Variants in KCNJ2 observed in about 807,000 individuals in gnomAD.
KCNJ2 encodes the protein potassium inwardly rectifying channel subfamily J member 2, also known as inward rectifier potassium channel 2.
A neutral mutation model predicts 28.4 loss-of-function variants in KCNJ2; 12 were observed. The ratio of observed to expected loss-of-function variants is 0.42; its 90% CI spans 0.27 to 0.68. The LOEUF is 0.68. Ranked by LOEUF, KCNJ2 falls within the 30% of genes least tolerant of loss-of-function variation. The probability of loss-of-function intolerance (pLI) is 0.23; values close to 1 mark genes in which losing one functional copy is unlikely to be tolerated. For missense variants in KCNJ2, 320 were observed against 551.3 expected (o/e 0.58, Z 4.20); for synonymous variants, 200 against 203.2 (o/e 0.98, Z 0.13).
chr17:70,176,105 T>A lies in KCNJ2; in HGVS notation c.1066T>A (p.Cys356Ser). The change falls in exon 2 of 2, where the codon TGT (cysteine) becomes AGT (serine). Residue 356 changes from cysteine to serine, a missense_variant. Coordinates refer to ENST00000243457, the MANE Select transcript of KCNJ2 (RefSeq NM_000891.3). Reference protein sequence around the residue: ...KTYEVPNTPLCSARDLAEKKY... With the variant: ...KTYEVPNTPLSSARDLAEKKY... Reference sequence around the variant, plus strand: ...TTACGAAGTCCCCAACACTCCCCTTTGTAGTGCCAGAGACTTAGCAGAAAA... The same window carrying A: ...TTACGAAGTCCCCAACACTCCCCTTAGTAGTGCCAGAGACTTAGCAGAAAA... 6.2e-7 allele frequency: 1 copy of A among 1,614,074 alleles called. No individual in the cohort carries two copies. The highest frequency in any genetic ancestry group is 8.5e-7 in the Non-Finnish European group (1 of 1,180,002).
Position 70,174,964 on chromosome 17 carries a change from A to C in KCNJ2, c.-76A>C. Reference sequence around the variant, plus strand: ...TGTGTGTCTTCACCGAACATTCAAAACTGTTTCTCCAAAGCGTTTTGCAAA... The same window carrying C: ...TGTGTGTCTTCACCGAACATTCAAACCTGTTTCTCCAAAGCGTTTTGCAAA... On this transcript the variant is annotated 5_prime_UTR_variant, in exon 2 of 2. Coordinates refer to ENST00000243457, the MANE Select transcript of KCNJ2 (RefSeq NM_000891.3). 1 of 1,431,648 alleles carries C rather than the reference A, an allele frequency of 7.0e-7. No homozygotes were observed. Among genetic ancestry groups the C allele is most frequent in the Admixed American group, 1.8e-5 (1 of 55,034 alleles). The allele number at this position is 1,431,648 out of a possible 1,614,324, so 88.7% of individuals were successfully genotyped here. A position where few individuals can be genotyped will look rare whatever the true frequency, so the allele number is the denominator to read the frequency against.
rs988247605 is a variant in KCNJ2, at chr17:70,179,662, C to G, written c.*3339C>G. 1 of 166,346 alleles carries G rather than the reference C, an allele frequency of 6.0e-6. No homozygotes were observed. Among genetic ancestry groups the G allele is most frequent in the African/African-American group, 2.4e-5 (1 of 41,430 alleles). The allele number at this position is 166,346 out of a possible 1,614,324, so 10.3% of individuals were successfully genotyped here. A position where few individuals can be genotyped will look rare whatever the true frequency, so the allele number is the denominator to read the frequency against. On this transcript the variant is annotated 3_prime_UTR_variant, in exon 2 of 2. Coordinates refer to ENST00000243457, the MANE Select transcript of KCNJ2 (RefSeq NM_000891.3). ...TGTCCCGTAAATCATATTTCCCTTA[C>G]AATTAATAAATGTCACTTCATATTT...
intron 1 of KCNJ2, among the ~76,000 whole-genome samples, chr17:70,172,843 T>C (rs62081378): frequency 6.6e-6 from 1 of 152,326 alleles, no homozygotes; most frequent in East Asian, 1.9e-4. Context: ...GCTGTCTCTG[T>C]CTGTTTAGTA....
intron 1 of KCNJ2, among the ~76,000 whole-genome samples, chr17:70,171,227 C>G (rs1382626295): frequency 6.6e-6 from 1 of 152,198 alleles, no homozygotes; most frequent in Non-Finnish European, 1.5e-5. Flanking sequence ...ACAGGGGGCT[C>G]ACACGTAGAT....
Position 70,175,886 on chromosome 17 carries a change from A to G in KCNJ2, c.847A>G (p.Ser283Gly). 6.2e-7 allele frequency: 1 copy of G among 1,614,204 alleles called. No homozygotes were observed. ...IDEDSPLYDL[S>G]KQDIDNADFE... ...TGAAGACAGTCCTTTATATGATTTG[A>G]GTAAACAGGACATTGACAACGCAGA... is the stretch of plus-strand genomic sequence containing the variant. Residue 283 changes from serine (S) to glycine (G), a missense_variant, in exon 2 of 2, where the codon AGT becomes GGT. Around this residue, in one of 3 missense-constraint regions of KCNJ2, gnomAD observed 155 missense variants for 231.6 expected, o/e 0.67. Coordinates refer to ENST00000243457, the MANE Select transcript of KCNJ2 (RefSeq NM_000891.3). This position sits in a 1 kb window ranked among gnomAD's most constrained non-coding sequence, Gnocchi z 8.3.
chr17:70,178,465 A>AGGAT lies in KCNJ2; in HGVS notation c.*2143_*2146dup, dbSNP rs1263832433. ...CAACAATTTGGTTCTTGACAGTGAG[A>AGGAT]GGATATTGAGGGCTTCAGCTGCTGC... On this transcript the variant is annotated 3_prime_UTR_variant, in exon 2 of 2. Coordinates refer to ENST00000243457, the MANE Select transcript of KCNJ2 (RefSeq NM_000891.3). 6.0e-6 allele frequency: 1 copy of AGGAT among 167,072 alleles called. No homozygotes were observed. The highest frequency in any genetic ancestry group is 1.5e-5 in the Non-Finnish European group (1 of 68,128). 10.3% of individuals were successfully genotyped at this position (167,072 alleles called of 1,614,324 possible). A position where few individuals can be genotyped will look rare whatever the true frequency, so the allele number is the denominator to read the frequency against.
At position 70,178,327 on chromosome 17, in the gene KCNJ2, G is replaced by C. The variant is rs554257598; in HGVS notation, c.*2004G>C. 5 of 167,152 alleles carry C rather than the reference G, an allele frequency of 3.0e-5. No individual in the cohort carries two copies. The highest frequency in any genetic ancestry group is 2.6e-4 in the Admixed American group (4 of 15,298). 10.4% of individuals were successfully genotyped at this position (167,152 alleles called of 1,614,324 possible). A position where few individuals can be genotyped will look rare whatever the true frequency, so the allele number is the denominator to read the frequency against. ...TGTTATTTTCAATGAAACAAAGAAA[G>C]AGATGTTAAGCAAGTGGTTGTTTTA... On this transcript the variant is annotated 3_prime_UTR_variant, in exon 2 of 2. Transcript: ENST00000243457.
At chr17:70,173,645 C>A (rs928689747) in intron 1 of KCNJ2, among the ~76,000 whole-genome samples, 9 of 152,194 alleles carry the variant, frequency 5.9e-5, no homozygotes, top group Admixed American at 5.2e-4. Flanking sequence ...AAACTGAGAA[C>A]TACTATTTGC....
chr17:70,176,360 C>CA lies in KCNJ2; in HGVS notation c.*38dup. The CA allele has an allele frequency of 6.3e-7, 1 of 1,590,890 alleles. No individual in the cohort carries two copies. Among genetic ancestry groups the CA allele is most frequent in the Admixed American group, 1.7e-5 (1 of 59,998 alleles). On this transcript the variant is annotated 3_prime_UTR_variant, in exon 2 of 2. Coordinates refer to ENST00000243457, the MANE Select transcript of KCNJ2 (RefSeq NM_000891.3). ...CTTCTCTGGAATAGTTACTTTACAA[C>CA]ACGGTCTGTTGGTCAGAGGCCCAAA...
chr17:70,179,047 A>G lies in KCNJ2; in HGVS notation c.*2724A>G, dbSNP rs888096705. On this transcript the variant is annotated 3_prime_UTR_variant, in exon 2 of 2. Coordinates refer to ENST00000243457, the MANE Select transcript of KCNJ2 (RefSeq NM_000891.3). ...TCTAGTTATTAGCGTTTTAACAGTTACAAGCTTTAAATGGCAATTTTTTTT... is the reference window on the plus strand; with the variant it reads ...TCTAGTTATTAGCGTTTTAACAGTTGCAAGCTTTAAATGGCAATTTTTTTT... 1 of 149,098 alleles carries G rather than the reference A, an allele frequency of 6.7e-6. No individual in the cohort carries two copies. The highest frequency in any genetic ancestry group is 1.6e-5 in the Non-Finnish European group (1 of 62,768). The allele number at this position is 149,098 out of a possible 1,614,324, so 9.2% of individuals were successfully genotyped here.
intron 1 of KCNJ2, among the ~76,000 whole-genome samples, chr17:70,172,165 C>T (rs970819255): frequency 2.0e-5 from 3 of 151,918 alleles, no homozygotes; most frequent in Non-Finnish European, 4.4e-5. Flanking sequence ...AAGACCGTTA[C>T]CCCATCAAAC....
chr17:70,175,093 T>C lies in KCNJ2; in HGVS notation c.54T>C (p.Gly18=). ...RYSIVSSEED[G]MKLATMAVAN... ...GCATCGTCTCTTCAGAAGAAGACGGTATGAAGTTGGCCACCATGGCAGTTG... is the reference window on the plus strand; with the variant it reads ...GCATCGTCTCTTCAGAAGAAGACGGCATGAAGTTGGCCACCATGGCAGTTG... The change falls in exon 2 of 2, where the codon GGT becomes GGC. Residue 18 remains glycine (G), a synonymous_variant. Coordinates refer to ENST00000243457, the MANE Select transcript of KCNJ2 (RefSeq NM_000891.3). The surrounding 1 kb of genome is among the most constrained non-coding windows in gnomAD (Gnocchi z 8.3). 1 of 1,614,162 alleles carries C rather than the reference T, an allele frequency of 6.2e-7. No individual in the cohort carries two copies. The highest frequency in any genetic ancestry group is 1.3e-5 in the African/African-American group (1 of 75,030).
At chr17:70,171,645 C>T (rs1178378078) in intron 1 of KCNJ2, among the ~76,000 whole-genome samples, 1 of 152,144 alleles carries the variant, frequency 6.6e-6, no homozygotes, top group Non-Finnish European at 1.5e-5. Flanking sequence ...ATCCATAGCT[C>T]TTTCTCCTTT....
Position 70,178,525 on chromosome 17 carries a change from C to G in KCNJ2, c.*2202C>G, listed in dbSNP as rs1364871844. 2 of 166,542 alleles carry G rather than the reference C, an allele frequency of 1.2e-5. No individual in the cohort carries two copies. The highest frequency in any genetic ancestry group is 4.8e-5 in the African/African-American group (2 of 41,240). 10.3% of individuals were successfully genotyped at this position (166,542 alleles called of 1,614,324 possible). A position where few individuals can be genotyped will look rare whatever the true frequency, so the allele number is the denominator to read the frequency against. ...GTTTTGCAAAGGAAAATAATCAAAC[C>G]AAAGAGTATTCAGTGATATGTAAAT... On this transcript the variant is annotated 3_prime_UTR_variant, in exon 2 of 2. Coordinates refer to ENST00000243457, the MANE Select transcript of KCNJ2 (RefSeq NM_000891.3).
intron 1 of KCNJ2, among the ~76,000 whole-genome samples, chr17:70,170,448 C>T (rs902276831): frequency 6.7e-5 from 10 of 149,358 alleles, no homozygotes; most frequent in African/African-American, 2.6e-4. Flanking sequence ...TTCATCATGA[C>T]AATTGGAAAA....
In KCNJ2 at chr17:70,177,450, A is replaced by G. The variant is rs2074400997; in HGVS notation, c.*1127A>G. The G allele has an allele frequency of 6.0e-6, 1 of 167,158 alleles. No individual in the cohort carries two copies. Among genetic ancestry groups the G allele is most frequent in the East Asian group, 1.9e-4 (1 of 5,194 alleles). 10.4% of individuals were successfully genotyped at this position (167,158 alleles called of 1,614,324 possible). A position where few individuals can be genotyped will look rare whatever the true frequency, so the allele number is the denominator to read the frequency against. On this transcript the variant is annotated 3_prime_UTR_variant, in exon 2 of 2. Coordinates refer to ENST00000243457, the MANE Select transcript of KCNJ2 (RefSeq NM_000891.3). The stretch of plus-strand genomic sequence containing the variant: ...AAGATCTTCATAGGACCTCCTTGGC[A>G]TCCTGGCATTCTCAAAACTGAGCCA...
chr17:70,169,988 A>G (rs2074356090), intron 1 of KCNJ2, among the ~76,000 whole-genome samples: 1 of 152,210 alleles, frequency 6.6e-6, no homozygotes, highest in South Asian at 2.1e-4. Context: ...CTTCCAATGC[A>G]CCAGCTGTAG....
rs568916332 is a variant in KCNJ2, at chr17:70,174,676, A to C, written c.-216-148A>C. ...AAAAGTTTTACAAAGCATGCTTAGGATACAAAGAAATTTAAAACCTTATAA... is the reference window on the plus strand; with the variant it reads ...AAAAGTTTTACAAAGCATGCTTAGGCTACAAAGAAATTTAAAACCTTATAA... On this transcript the variant is annotated intron_variant, in intron 1 of 1. Coordinates refer to ENST00000243457, the MANE Select transcript of KCNJ2 (RefSeq NM_000891.3). 28 of 288,460 alleles carry C rather than the reference A, an allele frequency of 9.7e-5. No individual in the cohort carries two copies. In the East Asian group the frequency reaches 2.2e-3, roughly 23 times the overall value. 17.9% of individuals were successfully genotyped at this position (288,460 alleles called of 1,614,324 possible).
In KCNJ2 at chr17:70,175,535, A is replaced by G. The variant is rs1257883069; in HGVS notation, c.496A>G (p.Ile166Val). 3.1e-6 allele frequency: 5 copies of G among 1,614,078 alleles called. No homozygotes were observed. The highest frequency in any genetic ancestry group is 1.1e-5 in the South Asian group (1 of 91,086). ...IAVFMVVFQSIVGCIIDAFII... is the reference protein window; with the variant it reads ...IAVFMVVFQSVVGCIIDAFII... Reference sequence around the variant, plus strand: ...TGTTTTCATGGTGGTGTTCCAGTCAATCGTGGGCTGCATCATCGATGCTTT... The same window carrying G: ...TGTTTTCATGGTGGTGTTCCAGTCAGTCGTGGGCTGCATCATCGATGCTTT... Residue 166 changes from isoleucine to valine, a missense_variant, in exon 2 of 2, where the codon ATC becomes GTC. By Grantham distance (29) the Ile-to-Val change is conservative. Transcript: ENST00000243457. The surrounding 1 kb of genome is among the most constrained non-coding windows in gnomAD (Gnocchi z 8.3).
Sources: allele counts gnomAD v4.1 joint callset (sites outside exome capture counted in the v4.1 genomes callset), GRCh38; gene constraint gnomAD v4.1.1; regional missense constraint gnomAD v4.1.1; non-coding constraint Gnocchi (gnomAD v3.1); transcripts MANE v1.5; gene names NCBI Gene and HGNC (gene_info 2026-07-23, HGNC 2026-07-21).